Variants in SUPT3H observed in about 807,000 individuals in gnomAD.
SUPT3H encodes the protein transcription initiation protein SPT3 homolog.
SUPT3H carries 44 observed loss-of-function variants against 44.3 expected under a neutral mutation model. The ratio of observed to expected loss-of-function variants is 0.99; its 90% CI spans 0.78 to 1.28. The LOEUF is 1.28. Ranked by LOEUF, SUPT3H falls within the 50% of genes most tolerant of loss-of-function variation. The pLI, the probability that SUPT3H is intolerant of heterozygous loss-of-function variation, is 0.00. For synonymous variants in SUPT3H, 124 were observed against 125.6 expected, an observed-to-expected ratio of 0.99 and a Z score of 0.09; for missense variants, 380 against 387.1, an observed-to-expected ratio of 0.98 and a Z score of 0.15.
intron 2 of SUPT3H, among the ~76,000 whole-genome samples, chr6:45,264,525 T>G (rs11967601): frequency 6.6e-6 from 1 of 152,132 alleles, no homozygotes; most frequent in Non-Finnish European, 1.5e-5. Flanking sequence ...CCAGGCATGG[T>G]GGTGCACACC....
At chr6:44,974,331 G>C (rs959626951) in intron 6 of SUPT3H, among the ~76,000 whole-genome samples, 2 of 151,852 alleles carry the variant, frequency 1.3e-5, no homozygotes, top group African/African-American at 4.8e-5. Context: ...GTGTGTTTGT[G>C]TTTGTGTAAT....
intron 3 of SUPT3H, among the ~76,000 whole-genome samples, chr6:45,066,316 A>C (rs1752312608): frequency 6.6e-6 from 1 of 150,708 alleles, no homozygotes; most frequent in Non-Finnish European, 1.5e-5. Context: ...GTATTTCAAA[A>C]TAATAAGAGC....
intron 10 of SUPT3H, among the ~76,000 whole-genome samples, chr6:44,902,008 G>C (rs1023371749): frequency 5.5e-4 from 84 of 152,164 alleles, no homozygotes; most frequent in Non-Finnish European, 8.8e-4. Flanking sequence ...TGCCCTAAAA[G>C]AGCTCCTGAA....
At position 45,228,476 on chromosome 6, in the gene SUPT3H, T is replaced by C. The variant is rs139588659; in HGVS notation, c.102-122470A>G. 1.7e-3 allele frequency among the ~76,000 whole-genome samples: 258 copies of C among 151,450 alleles called. 2 individuals are homozygous for C. Among genetic ancestry groups the C allele is most frequent in the Middle Eastern group, 6.8e-3 (2 of 294 alleles). ...GAAACATTGCCTTTTCCTGGTTATA[T>C]AGGAGCTTCTAGCCTTCAGATTCAA... On this transcript the variant is annotated intron_variant, in intron 2 of 10. Transcript: ENST00000371459.
rs927768966 is a variant in SUPT3H at position 45,107,100 on chromosome 6, TCTTAAAA to T, written c.102-1101_102-1095del. Among the ~76,000 whole-genome samples the T allele has an allele frequency of 3.3e-5, 5 of 152,218 alleles. No homozygotes were observed. In the South Asian group the frequency reaches 8.3e-4, roughly 25 times the overall value. On this transcript the variant is annotated intron_variant, in intron 2 of 10. Transcript: ENST00000371459. Reference sequence around the variant, plus strand: ...AAAAGGCTGGCCTTAGAATTCCTCTTCTTAAAACTTAAAAGTAGACTGGATGTGCAAA... The same window carrying T: ...AAAAGGCTGGCCTTAGAATTCCTCTTCTTAAAAGTAGACTGGATGTGCAAA...
chr6:44,873,488 G>A (rs200482350), intron 10 of SUPT3H, among the ~76,000 whole-genome samples: 7 of 47,856 alleles, frequency 1.5e-4, no homozygotes, highest in Admixed American at 5.9e-4. Flanking sequence ...TCTCTGGGAC[G>A]CATTCAAAGC....
chr6:45,051,460 A>G (rs1247943557), intron 3 of SUPT3H, among the ~76,000 whole-genome samples: 4 of 151,916 alleles, frequency 2.6e-5, no homozygotes, highest in African/African-American at 9.7e-5. Flanking sequence ...GGGAGAGTGA[A>G]ATAAATAGGG....
At position 45,108,538 on chromosome 6, in the gene SUPT3H, T is replaced by C. The variant is rs1421205506; in HGVS notation, c.102-2532A>G. ...AGGAAAGGAATAGCTCAATATTGAATAAATATATTAATATAACTACATTAA... is the reference window on the plus strand; with the variant it reads ...AGGAAAGGAATAGCTCAATATTGAACAAATATATTAATATAACTACATTAA... On this transcript the variant is annotated intron_variant, in intron 2 of 10. Transcript: ENST00000371459. 3.9e-5 allele frequency among the ~76,000 whole-genome samples: 6 copies of C among 152,116 alleles called. No homozygotes were observed. The East Asian group carries it at 5.8e-4, about 15-fold the overall frequency.
intron 2 of SUPT3H, among the ~76,000 whole-genome samples, chr6:45,336,210 T>C (rs1788521785): frequency 6.6e-6 from 1 of 151,488 alleles, no homozygotes; most frequent in Non-Finnish European, 1.5e-5. Flanking sequence ...TTTTTACCAC[T>C]AGTAACCACT....
chr6:45,218,337 G>C (rs1765426977), intron 2 of SUPT3H, among the ~76,000 whole-genome samples: 1 of 152,058 alleles, frequency 6.6e-6, no homozygotes, highest in Admixed American at 6.6e-5. Context: ...CAAAAACAGA[G>C]TCTCGAATAC....
intron 2 of SUPT3H, among the ~76,000 whole-genome samples, chr6:45,108,558 C>T (rs968890130): frequency 6.6e-6 from 1 of 151,976 alleles, no homozygotes; most frequent in African/African-American, 2.4e-5. Context: ...AATATAACTA[C>T]ATTAATTTAG....
intron 5 of SUPT3H, among the ~76,000 whole-genome samples, chr6:45,012,642 A>G (rs557167555): frequency 6.6e-6 from 1 of 151,840 alleles, no homozygotes; most frequent in Non-Finnish European, 1.5e-5. Context: ...GCTAAGTCCT[A>G]CATCTGGGCC....
Position 45,377,892 on chromosome 6 carries a change from G to C in SUPT3H, c.-125C>G, listed in dbSNP as rs1797049008. 6.6e-6 allele frequency: 1 copy of C among 152,666 alleles called. No homozygotes were observed. The highest frequency in any genetic ancestry group is 2.4e-5 in the African/African-American group (1 of 41,408). 9.5% of individuals were successfully genotyped at this position (152,666 alleles called of 1,614,324 possible). A position where few individuals can be genotyped will look rare whatever the true frequency, so the allele number is the denominator to read the frequency against. On this transcript the variant is annotated 5_prime_UTR_variant, in exon 1 of 11. Transcript: ENST00000371459. ...TTGGAAAGGGGCGGGGTGGGGGACTGAGAGTGTGGAGTGTAGAAAGGGAAA... is the reference window on the plus strand; with the variant it reads ...TTGGAAAGGGGCGGGGTGGGGGACTCAGAGTGTGGAGTGTAGAAAGGGAAA...
intron 10 of SUPT3H, among the ~76,000 whole-genome samples, chr6:44,899,585 G>A (rs910158954): frequency 6.6e-6 from 1 of 152,162 alleles, no homozygotes; most frequent in African/African-American, 2.4e-5. Flanking sequence ...TACATGGGAG[G>A]CTGAGGCAGG....
chr6:45,109,782 C>T (rs1329852361), intron 2 of SUPT3H, among the ~76,000 whole-genome samples: 1 of 152,010 alleles, frequency 6.6e-6, no homozygotes, highest in Non-Finnish European at 1.5e-5. Flanking sequence ...GTATGTACTA[C>T]TTGTAAGCCA....
At chr6:44,919,955 C>T (rs1179562761) in intron 10 of SUPT3H, among the ~76,000 whole-genome samples, 2 of 151,930 alleles carry the variant, frequency 1.3e-5, no homozygotes, top group Non-Finnish European at 2.9e-5. Flanking sequence ...CTCAGCTCAC[C>T]ACGACCTCCG....
intron 2 of SUPT3H, among the ~76,000 whole-genome samples, chr6:45,320,600 T>A (rs1261697194): frequency 2.6e-5 from 4 of 152,030 alleles, no homozygotes; most frequent in Non-Finnish European, 5.9e-5. Context: ...TTTTTGTAAA[T>A]AAAGTTTTAC....
chr6:45,124,958 G>A (rs1318533502), intron 2 of SUPT3H, among the ~76,000 whole-genome samples: 2 of 152,218 alleles, frequency 1.3e-5, no homozygotes, highest in East Asian at 1.9e-4. Flanking sequence ...ATATGAAGAC[G>A]GAGGAAGAAG....
intron 2 of SUPT3H, among the ~76,000 whole-genome samples, chr6:45,338,825 C>T (rs11963924): frequency 0.23 from 34,324 of 151,872 alleles, 4,539 homozygotes; most frequent in Non-Finnish European, 0.31. Context: ...ATCCAGGGCA[C>T]AAAATTTAAG....
Sources: allele counts gnomAD v4.1 joint callset (sites outside exome capture counted in the v4.1 genomes callset), GRCh38; gene constraint gnomAD v4.1.1; transcripts MANE v1.5; gene names NCBI Gene and HGNC (gene_info 2026-07-23, HGNC 2026-07-21).